Variants in RBFOX1 observed in about 807,000 individuals in gnomAD.
RBFOX1 encodes the protein RNA binding fox-1 homolog 1, also known as RNA binding protein fox-1 homolog 1.
A neutral mutation model predicts 57.7 loss-of-function variants in RBFOX1; 8 were observed. The ratio of observed to expected loss-of-function variants is 0.14; its 90% CI spans 0.08 to 0.25. The LOEUF (loss-of-function observed/expected upper bound fraction) is 0.25. Ranked by LOEUF, RBFOX1 falls within the 10% of genes least tolerant of loss-of-function variation. The pLI is 1.00. For synonymous variants in RBFOX1, 326 were observed against 222.4 expected, an observed-to-expected ratio of 1.47 and a Z score of -4.15; for missense variants, 611 against 548.5, an observed-to-expected ratio of 1.11 and a Z score of -1.14.
intron 2 of RBFOX1, among the ~76,000 whole-genome samples, chr16:6,632,509 A>G (rs1024150333): frequency 2.0e-5 from 3 of 152,210 alleles, no homozygotes; most frequent in East Asian, 1.9e-4. Context: ...ATCCATGTGC[A>G]GAATAAAAGT....
intron 1 of RBFOX1, among the ~76,000 whole-genome samples, chr16:5,372,414 C>T (rs1367255044): frequency 2.0e-5 from 3 of 151,952 alleles, no homozygotes; most frequent in East Asian, 3.9e-4. Flanking sequence ...TGGAAATGAC[C>T]CAGTCTCAAA....
intron 1 of RBFOX1, among the ~76,000 whole-genome samples, chr16:6,309,140 C>T (rs2079919285): frequency 6.6e-6 from 1 of 152,184 alleles, no homozygotes. Context: ...GTCTTATGTA[C>T]TCGGTGGAGA....
intron 2 of RBFOX1, among the ~76,000 whole-genome samples, chr16:6,607,870 A>G (rs972391979): frequency 2.0e-5 from 3 of 152,188 alleles, no homozygotes; most frequent in Non-Finnish European, 4.4e-5. Flanking sequence ...AGCCTTTAAA[A>G]TTCTCTTTGT....
rs992126510 is a variant in RBFOX1 at position 6,911,826 on chromosome 16, C to A, written c.-15-140231C>A. Reference sequence around the variant, plus strand: ...TCTTCTTTTTCAGTAAATGAATTTACTTTTTAAAAATCTCAGTAAAGTGAT... The same window carrying A: ...TCTTCTTTTTCAGTAAATGAATTTAATTTTTAAAAATCTCAGTAAAGTGAT... On this transcript the variant is annotated intron_variant, in intron 3 of 15. Coordinates refer to ENST00000550418, the MANE Select transcript of RBFOX1 (RefSeq NM_018723.4). Among the ~76,000 whole-genome samples the A allele has an allele frequency of 2.6e-5, 4 of 152,050 alleles. No homozygotes were observed. In the East Asian group the frequency reaches 7.7e-4, roughly 29 times the overall value.
At chr16:6,904,122 G>T (rs1055743719) in intron 3 of RBFOX1, among the ~76,000 whole-genome samples, 1 of 152,172 alleles carries the variant, frequency 6.6e-6, no homozygotes, top group African/African-American at 2.4e-5. Flanking sequence ...ACCTAATAGT[G>T]CAGTTCGTTC....
chr16:5,397,878 C>T (rs914503757), intron 1 of RBFOX1, among the ~76,000 whole-genome samples: 6 of 152,142 alleles, frequency 3.9e-5, no homozygotes, highest in African/African-American at 1.4e-4. Context: ...TTGAATTGTC[C>T]TATGTTCTAT....
At chr16:5,760,487 A>G (rs950115792) in intron 3 of RBFOX1, among the ~76,000 whole-genome samples, 2 of 152,198 alleles carry the variant, frequency 1.3e-5, no homozygotes, top group Non-Finnish European at 2.9e-5. Context: ...TCACAATAAT[A>G]ATGTTGTGAA....
intron 15 of RBFOX1, 193 bp from the exon 16 acceptor site, chr16:7,710,430 C>T (rs1048572994): frequency 1.4e-6 from 2 of 1,403,638 alleles, no homozygotes; most frequent in Non-Finnish European, 1.8e-6. Context: ...CAGGGAATTT[C>T]TTTAGGAGGA....
intron 2 of RBFOX1, among the ~76,000 whole-genome samples, chr16:6,466,235 A>G (rs1230200909): frequency 6.6e-6 from 1 of 152,036 alleles, no homozygotes; most frequent in Non-Finnish European, 1.5e-5. Context: ...ATCTCAAAAA[A>G]AAAAAAAAGG....
chr16:6,221,677 C>G (rs1227766544), intron 1 of RBFOX1, among the ~76,000 whole-genome samples: 1 of 152,174 alleles, frequency 6.6e-6, no homozygotes, highest in Non-Finnish European at 1.5e-5. Flanking sequence ...TTCCACGTGG[C>G]TGGGACACCT....
intron 3 of RBFOX1, among the ~76,000 whole-genome samples, chr16:5,686,461 G>A (rs1361834321): frequency 6.6e-6 from 1 of 152,170 alleles, no homozygotes; most frequent in Admixed American, 6.5e-5. Flanking sequence ...CCCAAAGCCT[G>A]CAGTGAAGGT....
rs571872497 is a variant in RBFOX1, at chr16:7,712,310, C to G, written c.*1565C>G. ...TGTGTACAGTGCAGGCCCTGTGGCC[C>G]GCACTTCAGTAAGTTATCAACTCTC... On this transcript the variant is annotated 3_prime_UTR_variant, in exon 16 of 16. Transcript: ENST00000550418. 4.6e-5 allele frequency: 7 copies of G among 152,514 alleles called. No homozygotes were observed. The highest frequency in any genetic ancestry group is 1.7e-4 in the African/African-American group (7 of 41,418). The allele number at this position is 152,514 out of a possible 1,614,324, so 9.4% of individuals were successfully genotyped here.
chr16:7,551,933 A>C (rs1242806330), intron 5 of RBFOX1, among the ~76,000 whole-genome samples: 1 of 152,208 alleles, frequency 6.6e-6, no homozygotes, highest in Non-Finnish European at 1.5e-5. Flanking sequence ...TTATGTGACA[A>C]ACCCTAGGAG....
chr16:6,757,625 G>A (rs1008015313), intron 3 of RBFOX1, among the ~76,000 whole-genome samples: 2 of 152,102 alleles, frequency 1.3e-5, no homozygotes, highest in African/African-American at 4.8e-5. Context: ...AGAGTAGAAT[G>A]GTGGTTACCA....
At chr16:7,479,842 C>G (rs367882485) in intron 4 of RBFOX1, among the ~76,000 whole-genome samples, 1 of 152,206 alleles carries the variant, frequency 6.6e-6, no homozygotes, top group South Asian at 2.1e-4. Context: ...CCAGAACATC[C>G]CTCAATAATT....
chr16:5,463,761 C>T (rs889727108), intron 1 of RBFOX1, among the ~76,000 whole-genome samples: 3 of 149,734 alleles, frequency 2.0e-5, no homozygotes, highest in Admixed American at 6.7e-5. Context: ...GATTGCACCA[C>T]TGCACTCCAG....
chr16:7,413,589 C>A (rs1222935198), intron 4 of RBFOX1, among the ~76,000 whole-genome samples: 1 of 152,000 alleles, frequency 6.6e-6, no homozygotes, highest in Admixed American at 6.6e-5. Context: ...TTGCTGCCAC[C>A]CCCCTGCCCC....
chr16:6,812,277 C>A (rs1374942090), intron 3 of RBFOX1, among the ~76,000 whole-genome samples: 2 of 152,140 alleles, frequency 1.3e-5, no homozygotes, highest in African/African-American at 4.8e-5. Context: ...AAAGTATCTC[C>A]CTTTAGACCA....
At chr16:6,496,631 C>G (rs769780124) in intron 2 of RBFOX1, among the ~76,000 whole-genome samples, 1 of 152,124 alleles carries the variant, frequency 6.6e-6, no homozygotes, top group Non-Finnish European at 1.5e-5. Context: ...AGCGAAGACA[C>G]CAATGCTCTT....
Sources: allele counts gnomAD v4.1 joint callset (sites outside exome capture counted in the v4.1 genomes callset), GRCh38; gene constraint gnomAD v4.1.1; transcripts MANE v1.5; gene names NCBI Gene and HGNC (gene_info 2026-07-23, HGNC 2026-07-21).